Variants in CTNNA3 observed in about 807,000 individuals in gnomAD.
The protein encoded by CTNNA3 is catenin alpha 3.
Under a neutral mutation model 95.7 loss-of-function variants are expected in CTNNA3, and 76 were observed. That is an observed-to-expected ratio of 0.79 (90% CI 0.66 to 0.96). CTNNA3 has a LOEUF of 0.96. Ranked by LOEUF, CTNNA3 falls within the 40% of genes least tolerant of loss-of-function variation. The pLI is 0.00. For missense variants in CTNNA3, 1,191 were observed against 1,089.8 expected (o/e 1.09, Z -1.31); for synonymous variants, 431 against 374.4 (o/e 1.15, Z -1.74).
intron 1 of CTNNA3, among the ~76,000 whole-genome samples, chr10:67,716,366 A>C (rs1841143028): frequency 1.3e-5 from 2 of 152,148 alleles, no homozygotes; most frequent in South Asian, 4.1e-4. Context: ...ATACATGTGC[A>C]GAACATGCAG....
intron 7 of CTNNA3, among the ~76,000 whole-genome samples, chr10:66,845,703 C>CAAAAAAAAAA (rs61085873): frequency 5.5e-4 from 13 of 23,546 alleles, no homozygotes; most frequent in Non-Finnish European, 7.4e-4. Flanking sequence ...AACTCTGTCT[C>CAAAAAAAAAA]AAAAAAAAAA....
At chr10:66,086,121 A>C (rs954110508) in intron 14 of CTNNA3, among the ~76,000 whole-genome samples, 8 of 152,162 alleles carry the variant, frequency 5.3e-5, no homozygotes, top group East Asian at 1.9e-4. Context: ...GGCCCATAGC[A>C]ATAGACAAGG....
chr10:66,375,580 C>T lies in CTNNA3; in HGVS notation c.1732+3572G>A, dbSNP rs148155780. 6.4e-3 allele frequency among the ~76,000 whole-genome samples: 893 copies of T among 140,022 alleles called. 8 individuals carry two copies. The highest frequency in any genetic ancestry group is 0.018 in the South Asian group (67 of 3,800). 91.9% of individuals were successfully genotyped at this position (140,022 alleles called of 152,430 possible). ...AAATATTTAAGATTGTAGGACAGAG[C>T]TGCAATGCCAAAAAAAAAAAGCATG... On this transcript the variant is annotated intron_variant, in intron 12 of 17. Coordinates refer to ENST00000433211, the MANE Select transcript of CTNNA3 (RefSeq NM_013266.4).
At chr10:65,924,500 C>T (rs1378423981) in intron 17 of CTNNA3, among the ~76,000 whole-genome samples, 1 of 152,294 alleles carries the variant, frequency 6.6e-6, no homozygotes, top group African/African-American at 2.4e-5. Flanking sequence ...CCATGCAGAG[C>T]TTCCAGACCA....
chr10:67,284,419 T>C (rs1377412869), intron 5 of CTNNA3, among the ~76,000 whole-genome samples: 2 of 152,206 alleles, frequency 1.3e-5, no homozygotes, highest in African/African-American at 4.8e-5. Flanking sequence ...TGCAACCAAA[T>C]TAGTATTATT....
chr10:66,903,267 C>T (rs528777173), intron 7 of CTNNA3, among the ~76,000 whole-genome samples: 16 of 152,056 alleles, frequency 1.1e-4, no homozygotes, highest in Middle Eastern at 3.4e-3. Flanking sequence ...ACAGAACCAA[C>T]GACAAAAAAC....
intron 1 of CTNNA3, among the ~76,000 whole-genome samples, chr10:67,727,009 T>C (rs1480163087): frequency 1.7e-5 from 2 of 116,432 alleles, no homozygotes; most frequent in Non-Finnish European, 3.2e-5. Flanking sequence ...TAATATATGA[T>C]ACATATATGA....
chr10:67,492,649 TC>T (rs1838887798), intron 5 of CTNNA3, among the ~76,000 whole-genome samples: 1 of 152,168 alleles, frequency 6.6e-6, no homozygotes, highest in Admixed American at 6.5e-5. Flanking sequence ...ATCAGAGAAA[TC>T]CACTGTAAGG....
intron 9 of CTNNA3, among the ~76,000 whole-genome samples, chr10:66,728,788 A>T (rs928593694): frequency 5.9e-5 from 9 of 152,070 alleles, no homozygotes; most frequent in Admixed American, 1.3e-4. Context: ...GGGTTTCACC[A>T]TGTTTGCCAG....
rs1351323641 is a variant in CTNNA3 at position 67,705,575 on chromosome 10, C to T, written c.-2+57859G>A. 5.1e-5 allele frequency among the ~76,000 whole-genome samples: 7 copies of T among 138,022 alleles called. No individual in the cohort carries two copies. The Admixed American group carries it at 5.8e-4, about 11-fold the overall frequency. 90.5% of individuals were successfully genotyped at this position (138,022 alleles called of 152,430 possible). ...TTCTCACTCATAGGTGGGAATTGAA[C>T]AATGAGAACACATGGACACAGGAGG... On this transcript the variant is annotated intron_variant, in intron 1 of 17. Coordinates refer to the CTNNA3 transcript ENST00000684154.
At chr10:66,763,335 C>CAGAG (rs1247071541) in intron 9 of CTNNA3, among the ~76,000 whole-genome samples, 1,561 of 113,412 alleles carry the variant, frequency 0.014, 26 homozygotes, top group African/African-American at 0.046. Context: ...CACACACACA[C>CAGAG]ACACACAGAG....
chr10:67,341,526 T>G (rs542193497), intron 5 of CTNNA3, among the ~76,000 whole-genome samples: 1 of 152,360 alleles, frequency 6.6e-6, no homozygotes, highest in African/African-American at 2.4e-5. Context: ...TGACAGGATC[T>G]TATTCTTTTT....
chr10:67,759,172 C>T (rs915262407), intron 1 of CTNNA3, among the ~76,000 whole-genome samples: 4 of 152,192 alleles, frequency 2.6e-5, no homozygotes, highest in Admixed American at 2.6e-4. Flanking sequence ...ATTTCCATCA[C>T]TTTTCACGAT....
intron 9 of CTNNA3, among the ~76,000 whole-genome samples, chr10:66,702,202 A>T (rs6480207): frequency 0.9 from 136,579 of 152,082 alleles, 61,537 homozygotes; most frequent in East Asian, 1. Flanking sequence ...AATTCCCGTA[A>T]CAGCTGTTGA....
chr10:67,142,435 T>C (rs919852151), intron 7 of CTNNA3, among the ~76,000 whole-genome samples: 4 of 152,152 alleles, frequency 2.6e-5, no homozygotes, highest in Admixed American at 6.5e-5. Flanking sequence ...GTGAACCTGC[T>C]GGGTTAAAAA....
chr10:66,953,951 G>T (rs1848666395), intron 7 of CTNNA3, among the ~76,000 whole-genome samples: 1 of 152,022 alleles, frequency 6.6e-6, no homozygotes, highest in African/African-American at 2.4e-5. Flanking sequence ...TATCTCAAAA[G>T]GTTGTTAAGA....
chr10:66,366,111 A>G lies in CTNNA3; in HGVS notation c.1732+13041T>C, dbSNP rs2092709600. On this transcript the variant is annotated intron_variant, in intron 12 of 17. Transcript: ENST00000433211. ...TATGCAGCATAAATAACTAATATGGAGAGGATAATGTCTGTTGCAGTTCTC... is the reference window on the plus strand; with the variant it reads ...TATGCAGCATAAATAACTAATATGGGGAGGATAATGTCTGTTGCAGTTCTC... Among the ~76,000 whole-genome samples the G allele has an allele frequency of 2.6e-5, 4 of 152,140 alleles. No individual in the cohort carries two copies. The South Asian group carries it at 8.3e-4, about 31-fold the overall frequency.
At chr10:66,492,147 A>G (rs1450321437) in intron 11 of CTNNA3, among the ~76,000 whole-genome samples, 2 of 152,152 alleles carry the variant, frequency 1.3e-5, no homozygotes, top group Non-Finnish European at 2.9e-5. Context: ...AATCTTGACT[A>G]TACCTAACAC....
At chr10:66,465,626 T>C (rs12255377) in intron 11 of CTNNA3, among the ~76,000 whole-genome samples, 9,406 of 152,082 alleles carry the variant, frequency 0.062, 608 homozygotes, top group African/African-American at 0.16. Flanking sequence ...GGTCTACTGG[T>C]TGAGAATCAG....
Sources: allele counts gnomAD v4.1 joint callset (sites outside exome capture counted in the v4.1 genomes callset), GRCh38; gene constraint gnomAD v4.1.1; transcripts MANE v1.5; gene names NCBI Gene and HGNC (gene_info 2026-07-23, HGNC 2026-07-21).